The following STK39 variants were observed in gnomAD, a reference collection of about 807,000 sequenced individuals.
The protein encoded by STK39 is serine/threonine kinase 39.
A neutral mutation model predicts 77.8 loss-of-function variants in STK39; 20 were observed. The ratio of observed to expected loss-of-function variants is 0.26; its 90% CI spans 0.18 to 0.37. STK39 has a LOEUF of 0.37. Ranked by LOEUF, STK39 falls within the 10% of genes least tolerant of loss-of-function variation. STK39 has a pLI of 1.00. For synonymous variants in STK39, 246 were observed against 234.1 expected (o/e 1.05, Z -0.47); for missense variants, 479 against 656.5 (o/e 0.73, Z 2.95).
At chr2:168,212,307 T>C (rs1198562298) in intron 1 of STK39, among the ~76,000 whole-genome samples, 2 of 152,196 alleles carry the variant, frequency 1.3e-5, no homozygotes. Flanking sequence ...CTTGAGAATG[T>C]TTCCTCCCCA....
At chr2:168,005,532 G>A (rs187760233) in intron 16 of STK39, among the ~76,000 whole-genome samples, 6 of 151,966 alleles carry the variant, frequency 3.9e-5, no homozygotes, top group Non-Finnish European at 5.9e-5. Flanking sequence ...TTTGCATATG[G>A]TATACAATGT....
intron 16 of STK39, among the ~76,000 whole-genome samples, chr2:167,965,697 T>C (rs1692138234): frequency 6.6e-6 from 1 of 152,192 alleles, no homozygotes; most frequent in African/African-American, 2.4e-5. Context: ...CATTTTTATT[T>C]TTTTATGAGT....
intron 16 of STK39, among the ~76,000 whole-genome samples, chr2:167,997,249 A>T (rs540145165): frequency 6.6e-6 from 1 of 151,944 alleles, no homozygotes; most frequent in African/African-American, 2.4e-5. Flanking sequence ...CCTACGTGCA[A>T]TTTCTACCTC....
intron 1 of STK39, among the ~76,000 whole-genome samples, chr2:168,229,799 G>A (rs1458419419): frequency 6.6e-6 from 1 of 152,088 alleles, no homozygotes; most frequent in Non-Finnish European, 1.5e-5. Context: ...AGTCAGTCTG[G>A]AATAAAACAC....
At chr2:168,022,993 C>T (rs1195582601) in intron 14 of STK39, among the ~76,000 whole-genome samples, 1 of 152,242 alleles carries the variant, frequency 6.6e-6, no homozygotes, top group Non-Finnish European at 1.5e-5. Context: ...TTGCTCACTG[C>T]AGCCTCGAAC....
intron 2 of STK39, among the ~76,000 whole-genome samples, chr2:168,174,486 T>C (rs1416991407): frequency 6.6e-6 from 1 of 152,120 alleles, no homozygotes; most frequent in Admixed American, 6.5e-5. Flanking sequence ...GTAGTGATAT[T>C]GAAATACTAT....
At chr2:168,242,262 A>G (rs1690776436) in intron 1 of STK39, among the ~76,000 whole-genome samples, 1 of 152,012 alleles carries the variant, frequency 6.6e-6, no homozygotes, top group Non-Finnish European at 1.5e-5. Flanking sequence ...TTTTACCACA[A>G]TAAAAATAAT....
intron 10 of STK39, among the ~76,000 whole-genome samples, chr2:168,085,579 T>G (rs750518452): frequency 6.6e-6 from 1 of 152,250 alleles, no homozygotes; most frequent in Non-Finnish European, 1.5e-5. Context: ...ATTTTGAGCC[T>G]AAGCCTGGAG....
chr2:168,123,482 T>C (rs1687460214), intron 10 of STK39, among the ~76,000 whole-genome samples: 1 of 152,220 alleles, frequency 6.6e-6, no homozygotes, highest in South Asian at 2.1e-4. Flanking sequence ...TACTGTGGAA[T>C]GTTTCAAAAT....
chr2:168,088,744 G>C (rs1446212797), intron 10 of STK39, among the ~76,000 whole-genome samples: 1 of 152,150 alleles, frequency 6.6e-6, no homozygotes, highest in Non-Finnish European at 1.5e-5. Flanking sequence ...GTTCGTATAT[G>C]CACATAGCAT....
At chr2:168,076,018 G>A (rs1574443992) in intron 10 of STK39, among the ~76,000 whole-genome samples, 1 of 148,554 alleles carries the variant, frequency 6.7e-6, no homozygotes, top group Admixed American at 6.8e-5. Flanking sequence ...ACTTTTAAAA[G>A]GACAGGATGA....
chr2:167,995,203 G>A (rs936691232), intron 16 of STK39, among the ~76,000 whole-genome samples: 8 of 151,758 alleles, frequency 5.3e-5, no homozygotes, highest in African/African-American at 1.7e-4. Flanking sequence ...TCTGCCTCCC[G>A]GGTTCAAGCG....
At chr2:168,204,821 C>G (rs1201842306) in intron 1 of STK39, among the ~76,000 whole-genome samples, 1 of 152,162 alleles carries the variant, frequency 6.6e-6, no homozygotes, top group Non-Finnish European at 1.5e-5. Context: ...TATTCCAAGG[C>G]AAATTTTAAA....
chr2:168,162,440 T>C (rs1167686388), intron 4 of STK39, among the ~76,000 whole-genome samples: 1 of 152,162 alleles, frequency 6.6e-6, no homozygotes, highest in African/African-American at 2.4e-5. Flanking sequence ...CTCTCTATTT[T>C]ATGCTTCAGA....
chr2:168,002,524 G>C (rs1684027109), intron 16 of STK39, among the ~76,000 whole-genome samples: 2 of 152,128 alleles, frequency 1.3e-5, no homozygotes, highest in African/African-American at 4.8e-5. Flanking sequence ...GCTGGCAGAG[G>C]ATTCAATCCT....
intron 14 of STK39, among the ~76,000 whole-genome samples, chr2:168,021,146 A>C (rs1039824611): frequency 1.1e-4 from 16 of 152,306 alleles, no homozygotes; most frequent in Middle Eastern, 3.4e-3. Flanking sequence ...AGTCTTATTT[A>C]AATATATTTA....
intron 1 of STK39, among the ~76,000 whole-genome samples, chr2:168,194,960 T>C (rs568062866): frequency 6.6e-6 from 1 of 152,294 alleles, no homozygotes; most frequent in Non-Finnish European, 1.5e-5. Flanking sequence ...TAGAAGCAGA[T>C]GGAGAGCTGC....
chr2:167,981,216 T>G (rs1203506246), intron 16 of STK39, among the ~76,000 whole-genome samples: 1 of 152,238 alleles, frequency 6.6e-6, no homozygotes, highest in Non-Finnish European at 1.5e-5. Context: ...CACCAGAATG[T>G]AAGTCAACCA....
chr2:168,128,498 A>G (rs1687601414), intron 10 of STK39, among the ~76,000 whole-genome samples: 1 of 152,112 alleles, frequency 6.6e-6, no homozygotes, highest in Non-Finnish European at 1.5e-5. Context: ...AAGTCAACAC[A>G]TCAATCCTCC....
Sources: allele counts gnomAD v4.1 joint callset (sites outside exome capture counted in the v4.1 genomes callset), GRCh38; gene constraint gnomAD v4.1.1; transcripts MANE v1.5; gene names NCBI Gene and HGNC (gene_info 2026-07-23, HGNC 2026-07-21).